RFWD3: variants seen among roughly 807,000 people sequenced by gnomAD.
RFWD3 encodes ring finger and WD repeat domain 3, also known as E3 ubiquitin-protein ligase RFWD3.
A neutral mutation model predicts 87.7 loss-of-function variants in RFWD3; 65 were observed. The observed-to-expected ratio is 0.74, with a 90% CI of 0.61 to 0.91. The LOEUF (loss-of-function observed/expected upper bound fraction) is 0.91, where lower values mean the gene tolerates loss of function less well. Among genes scored for constraint, RFWD3 ranks in the 40% least tolerant of loss-of-function variants. The pLI, the probability that RFWD3 is intolerant of heterozygous loss-of-function variation, is 0.00. For synonymous variants in RFWD3, 433 were observed against 352.8 expected (o/e 1.23, Z -2.55); for missense variants, 1,078 against 938.5 (o/e 1.15, Z -1.94).
intron 6 of RFWD3, 26 bp downstream of exon 6, chr16:74,644,336 C>T (rs769808788): frequency 1.2e-6 from 2 of 1,608,422 alleles, no homozygotes; most frequent in Admixed American, 1.7e-5. Flanking sequence ...GGGAACATTC[C>T]AGCCAGGCAT....
At chr16:74,624,458 C>T (rs920715262) in intron 12 of RFWD3, among the ~76,000 whole-genome samples, 1 of 152,192 alleles carries the variant, frequency 6.6e-6, no homozygotes, top group Admixed American at 6.5e-5. Flanking sequence ...TGCAGTGGCA[C>T]GATCTTGGCT....
chr16:74,660,422 C>T (rs1474293209), intron 2 of RFWD3, among the ~76,000 whole-genome samples: 1 of 152,156 alleles, frequency 6.6e-6, no homozygotes, highest in Non-Finnish European at 1.5e-5. Context: ...CACGGGAATC[C>T]AGCCTGGACG....
intron 1 of RFWD3, chr16:74,666,473 C>T (rs766637101): frequency 6.6e-6 from 1 of 152,254 alleles, no homozygotes; most frequent in Non-Finnish European, 1.5e-5. Context: ...GGGGGAAGGG[C>T]CGGGCGACCT....
chr16:74,632,537 A>T lies in RFWD3; in HGVS notation c.1563T>A (p.Thr521=). Residue 521 remains threonine, a synonymous_variant, in exon 9 of 13, where the codon ACT becomes ACA. Transcript: ENST00000361070. ...GLLLSASLDN[T]IKLTSLETNT... is the part of the protein sequence containing the mutation. ...AAATCACTCACCTGGTCAGTTTAATAGTGTTGTCTAGGGAAGCAGAGAGTA... is the reference window on the plus strand; with the variant it reads ...AAATCACTCACCTGGTCAGTTTAATTGTGTTGTCTAGGGAAGCAGAGAGTA... 6.2e-7 allele frequency: 1 copy of T among 1,613,968 alleles called. No homozygotes were observed. Among genetic ancestry groups the T allele is most frequent in the Non-Finnish European group, 8.5e-7 (1 of 1,179,866 alleles).
chr16:74,665,631 C>T (rs1320162747), intron 1 of RFWD3, among the ~76,000 whole-genome samples: 1 of 152,102 alleles, frequency 6.6e-6, no homozygotes, highest in Non-Finnish European at 1.5e-5. Flanking sequence ...TGGTGGCGCG[C>T]ACCTGTGGTC....
chr16:74,633,271 C>G (rs117063429), intron 8 of RFWD3, among the ~76,000 whole-genome samples: 2,624 of 133,262 alleles, frequency 0.02, 38 homozygotes, highest in South Asian at 0.03. Flanking sequence ...GAGCAAAACT[C>G]CGTCTCAGAA....
At chr16:74,648,848 G>A (rs965522571) in intron 4 of RFWD3, among the ~76,000 whole-genome samples, 1 of 152,102 alleles carries the variant, frequency 6.6e-6, no homozygotes, top group South Asian at 2.1e-4. Flanking sequence ...TGGTTTGGGA[G>A]GCCGAGGCAG....
At chr16:74,625,623 G>GC (rs1377704978) in intron 12 of RFWD3, among the ~76,000 whole-genome samples, 1 of 151,710 alleles carries the variant, frequency 6.6e-6, no homozygotes, top group African/African-American at 2.4e-5. Flanking sequence ...CTTATAGAAC[G>GC]CCCACAACCC....
chr16:74,636,042 C>T (rs1317717419), intron 8 of RFWD3, among the ~76,000 whole-genome samples: 1 of 152,216 alleles, frequency 6.6e-6, no homozygotes, highest in African/African-American at 2.4e-5. Context: ...GTCTAAAATG[C>T]ATCTGTAAGT....
At chr16:74,627,554 G>A (rs1597407712) in intron 11 of RFWD3, among the ~76,000 whole-genome samples, 1 of 152,122 alleles carries the variant, frequency 6.6e-6, no homozygotes, top group Non-Finnish European at 1.5e-5. Flanking sequence ...TGCCTCCTTT[G>A]TGTCTCACCT....
In RFWD3 at chr16:74,652,094, G is replaced by T; in HGVS notation, c.547C>A (p.Gln183Lys). Reference protein sequence around the residue: ...RLRAPLDAYFQVSRTQPDLPA... With the variant: ...RLRAPLDAYFKVSRTQPDLPA... ...AAGTCAGGCTGGGTCCTGCTCACCTGAAAGTAAGCATCCAATGGTGCTCTC... is the reference window on the plus strand; with the variant it reads ...AAGTCAGGCTGGGTCCTGCTCACCTTAAAGTAAGCATCCAATGGTGCTCTC... Residue 183 changes from glutamine to lysine, a missense_variant, in exon 3 of 13, where the codon CAG (glutamine) becomes AAG (lysine). Transcript: ENST00000361070. 1.9e-6 allele frequency: 3 copies of T among 1,614,044 alleles called. No individual in the cohort carries two copies. Among genetic ancestry groups the T allele is most frequent in the African/African-American group, 1.3e-5 (1 of 74,994 alleles).
intron 2 of RFWD3, among the ~76,000 whole-genome samples, chr16:74,659,121 T>C (rs1216094735): frequency 2.0e-5 from 3 of 152,174 alleles, no homozygotes; most frequent in Non-Finnish European, 4.4e-5. Flanking sequence ...GTTCTGTTTT[T>C]CTTTGTAAGT....
chr16:74,657,952 T>G (rs903817656), intron 2 of RFWD3, among the ~76,000 whole-genome samples: 1 of 152,112 alleles, frequency 6.6e-6, no homozygotes, highest in Admixed American at 6.6e-5. Context: ...GAATTCTACA[T>G]AGAACCCAGT....
At chr16:74,648,793 G>C (rs1418400118) in intron 4 of RFWD3, among the ~76,000 whole-genome samples, 1 of 151,822 alleles carries the variant, frequency 6.6e-6, no homozygotes, top group African/African-American at 2.4e-5. Flanking sequence ...AGAAAAAAAA[G>C]GGGATATTCA....
intron 2 of RFWD3, among the ~76,000 whole-genome samples, chr16:74,655,427 T>A (rs1178709021): frequency 3.3e-5 from 5 of 151,754 alleles, no homozygotes; most frequent in African/African-American, 9.7e-5. Flanking sequence ...TTTTGTATTT[T>A]TAGTAGAGAT....
At chr16:74,660,601 G>A (rs188828770) in intron 2 of RFWD3, 29 of 231,840 alleles carry the variant, frequency 1.3e-4, no homozygotes, top group Non-Finnish European at 1.4e-4. Flanking sequence ...GTGCCCCCAG[G>A]TGGAATGCCA....
At chr16:74,658,979 C>T (rs116619071) in intron 2 of RFWD3, among the ~76,000 whole-genome samples, 1,585 of 152,074 alleles carry the variant, frequency 0.01, 22 homozygotes, top group African/African-American at 0.036. Flanking sequence ...ATGTTGGCCT[C>T]GAACTCCTGG....
rs1958843771 is a variant in RFWD3, at chr16:74,623,988, G to A, written c.2265C>T (p.Asn755=). 7 of 1,614,064 alleles carry A rather than the reference G, an allele frequency of 4.3e-6. No individual in the cohort carries two copies. Among genetic ancestry groups the A allele is most frequent in the African/African-American group, 1.3e-5 (1 of 75,004 alleles). The change falls in exon 13 of 13, where the codon AAC becomes AAT. Residue 755 remains asparagine, a synonymous_variant. Transcript: ENST00000361070. ...PVLDICPFEV[N]RNSYLATLTE... is the part of the protein sequence containing the mutation. ...TTAAGGTAGCCAAGTAGCTGTTACG[G>A]TTCACCTCAAATGGGCAGATGTCCA...
chr16:74,644,693 T>C lies in RFWD3; in HGVS notation c.835A>G (p.Met279Val), dbSNP rs549212476. The C allele has an allele frequency of 4.8e-5, 77 of 1,614,098 alleles. No homozygotes were observed. The East Asian group carries it at 1.5e-3, about 32-fold the overall frequency. Residue 279 changes from methionine (M) to valine (V), a missense_variant, in exon 5 of 13, where the codon ATG (methionine) becomes GTG (valine). Transcript: ENST00000361070. ...KSEPLLPSAS[M>V]DEEEGDTCTI... Reference sequence around the variant, plus strand: ...CAAGTGTCCCCTTCTTCCTCATCCATAGAAGCAGAAGGTAGCAGAGGCTCA... The same window carrying C: ...CAAGTGTCCCCTTCTTCCTCATCCACAGAAGCAGAAGGTAGCAGAGGCTCA...
Sources: allele counts gnomAD v4.1 joint callset (sites outside exome capture counted in the v4.1 genomes callset), GRCh38; gene constraint gnomAD v4.1.1; transcripts MANE v1.5; gene names NCBI Gene and HGNC (gene_info 2026-07-23, HGNC 2026-07-21).